The following MEGF11 variants were observed in gnomAD, a reference collection of about 807,000 sequenced individuals.
MEGF11 encodes multiple epidermal growth factor-like domains protein 11.
MEGF11 carries 126 observed loss-of-function variants against 146.6 expected under a neutral mutation model. That is an observed-to-expected ratio of 0.86 (90% CI 0.74 to 1.00). MEGF11 has a LOEUF of 1.00. Among genes scored for constraint, MEGF11 ranks in the 50% least tolerant of loss-of-function variants. The probability of loss-of-function intolerance (pLI) is 0.00; values close to 1 mark genes in which losing one functional copy is unlikely to be tolerated. For missense variants in MEGF11, 1,509 were observed against 1,521.2 expected, an observed-to-expected ratio of 0.99 and a Z score of 0.13; for synonymous variants, 532 against 583.4, an observed-to-expected ratio of 0.91 and a Z score of 1.27.
chr15:66,137,833 C>T (rs910407403), intron 1 of MEGF11, among the ~76,000 whole-genome samples: 4 of 152,056 alleles, frequency 2.6e-5, no homozygotes, highest in African/African-American at 9.7e-5. Flanking sequence ...CAGGCATGAG[C>T]CACTCTGCCT....
intron 5 of MEGF11, among the ~76,000 whole-genome samples, chr15:65,985,953 ATTT>A (rs60520972): frequency 2.1e-5 from 3 of 140,314 alleles, no homozygotes; most frequent in Non-Finnish European, 3.1e-5. Flanking sequence ...TTGTGTCTGC[ATTT>A]TTTTTTTTTT....
intron 5 of MEGF11, among the ~76,000 whole-genome samples, chr15:66,070,308 G>T (rs752737894): frequency 2.0e-5 from 3 of 152,212 alleles, no homozygotes; most frequent in Non-Finnish European, 4.4e-5. Flanking sequence ...CAGCCAGAGA[G>T]GTGGGCTCTG....
intron 5 of MEGF11, among the ~76,000 whole-genome samples, chr15:66,028,418 G>C (rs1402992955): frequency 6.6e-6 from 1 of 152,130 alleles, no homozygotes; most frequent in Non-Finnish European, 1.5e-5. Flanking sequence ...ACAGAAACTG[G>C]TACACACATT....
At chr15:66,129,887 A>T (rs1169372420) in intron 1 of MEGF11, among the ~76,000 whole-genome samples, 2 of 152,212 alleles carry the variant, frequency 1.3e-5, no homozygotes, top group East Asian at 3.8e-4. Flanking sequence ...GAGATCTGGA[A>T]ATCATCTGAC....
At chr15:66,012,330 C>T (rs924182256) in intron 5 of MEGF11, among the ~76,000 whole-genome samples, 2 of 152,186 alleles carry the variant, frequency 1.3e-5, no homozygotes, top group African/African-American at 4.8e-5. Context: ...CCAGCTTGGG[C>T]ATTTGGAGGC....
intron 1 of MEGF11, among the ~76,000 whole-genome samples, chr15:66,152,890 C>T (rs2089620288): frequency 6.6e-6 from 1 of 152,196 alleles, no homozygotes; most frequent in Non-Finnish European, 1.5e-5. Context: ...GGAGGCTGCC[C>T]CTCCCCGCCG....
intron 5 of MEGF11, among the ~76,000 whole-genome samples, chr15:66,035,818 T>C (rs1381181735): frequency 6.6e-6 from 1 of 152,248 alleles, no homozygotes; most frequent in Non-Finnish European, 1.5e-5. Context: ...CTGCCATGAG[T>C]ATCTTTCTGT....
chr15:66,106,357 T>C (rs2087080527), intron 4 of MEGF11, among the ~76,000 whole-genome samples: 1 of 152,124 alleles, frequency 6.6e-6, no homozygotes, highest in Non-Finnish European at 1.5e-5. Context: ...AACATACGGG[T>C]GCACACATGT....
chr15:66,056,804 T>C (rs986536050), intron 5 of MEGF11, among the ~76,000 whole-genome samples: 1 of 152,244 alleles, frequency 6.6e-6, no homozygotes, highest in Non-Finnish European at 1.5e-5. Context: ...ACTGGGAAAC[T>C]GACAGCGTCG....
At chr15:65,957,840 T>C in intron 9 of MEGF11, 119 bp from the exon 10 acceptor site, 2 of 886,720 alleles carry the variant, frequency 2.3e-6, no homozygotes, top group Non-Finnish European at 3.5e-6. Flanking sequence ...ACCTCTGGGA[T>C]TAAATTGCTC....
chr15:66,021,542 G>A (rs1310685338), intron 5 of MEGF11, among the ~76,000 whole-genome samples: 4 of 152,224 alleles, frequency 2.6e-5, no homozygotes, highest in Non-Finnish European at 5.9e-5. Context: ...AATTGGCCAG[G>A]GTGGTCTGCA....
At chr15:66,089,598 G>C (rs2086242572) in intron 5 of MEGF11, among the ~76,000 whole-genome samples, 1 of 152,138 alleles carries the variant, frequency 6.6e-6, no homozygotes, top group Non-Finnish European at 1.5e-5. Context: ...TACAATGAAA[G>C]CTTAAATTTC....
intron 1 of MEGF11, among the ~76,000 whole-genome samples, chr15:66,157,602 T>C (rs1014602727): frequency 3.9e-5 from 6 of 152,222 alleles, no homozygotes; most frequent in Non-Finnish European, 8.8e-5. Context: ...CCTGCACTAA[T>C]GTCATTAAGA....
intron 10 of MEGF11, among the ~76,000 whole-genome samples, chr15:65,933,218 G>A (rs947283585): frequency 6.6e-6 from 1 of 152,220 alleles, no homozygotes; most frequent in South Asian, 2.1e-4. Context: ...GAGTCTGTCA[G>A]CTTTCCCATT....
intron 4 of MEGF11, among the ~76,000 whole-genome samples, chr15:66,109,505 C>T (rs2087272909): frequency 6.6e-6 from 1 of 152,184 alleles, no homozygotes; most frequent in African/African-American, 2.4e-5. Context: ...TTTGTAGCAA[C>T]TCATTGAATC....
intron 1 of MEGF11, among the ~76,000 whole-genome samples, chr15:66,251,142 T>A (rs529873787): frequency 1.3e-5 from 2 of 152,270 alleles, no homozygotes; most frequent in South Asian, 4.1e-4. Flanking sequence ...TCTTCTAGCT[T>A]CCCTAGTGAT....
intron 9 of MEGF11, 135 bp downstream of exon 9, chr15:65,964,773 G>A: frequency 1.2e-6 from 1 of 818,882 alleles, no homozygotes. Context: ...TCAGGGCTCA[G>A]TGCTGAGGTC....
chr15:66,131,709 G>A (rs2088653068), intron 1 of MEGF11, among the ~76,000 whole-genome samples: 1 of 152,192 alleles, frequency 6.6e-6, no homozygotes, highest in Non-Finnish European at 1.5e-5. Flanking sequence ...GGGTGAATAA[G>A]CTCAGGAAAT....
intron 5 of MEGF11, among the ~76,000 whole-genome samples, chr15:66,000,644 T>C (rs570013428): frequency 3.3e-4 from 50 of 152,316 alleles, no homozygotes; most frequent in Non-Finnish European, 1.0e-4. Context: ...GGGGTTGATA[T>C]TAATATTTGT....
Sources: allele counts gnomAD v4.1 joint callset (sites outside exome capture counted in the v4.1 genomes callset), GRCh38; gene constraint gnomAD v4.1.1; transcripts MANE v1.5; gene names NCBI Gene and HGNC (gene_info 2026-07-23, HGNC 2026-07-21).